Variants in RNF17 observed in about 807,000 individuals in gnomAD.
The protein encoded by RNF17 is ring finger protein 17.
Under a neutral mutation model 200.5 loss-of-function variants are expected in RNF17, and 31 were observed. That is an observed-to-expected ratio of 0.15 (90% CI 0.12 to 0.21). RNF17 has a LOEUF of 0.21. Ranked by LOEUF, RNF17 falls within the 10% of genes least tolerant of loss-of-function variation. RNF17 has a pLI of 1.00. For missense variants in RNF17, 1,628 were observed against 1,905.1 expected (o/e 0.85, Z 2.71); for synonymous variants, 606 against 637.8 (o/e 0.95, Z 0.75).
downstream of RNF17, chr13:24,883,507 A>AACTT (rs1953925649): frequency 1.6e-6 from 1 of 636,338 alleles, no homozygotes; most frequent in South Asian, 2.1e-5. Context: ...ATACAATTGT[A>AACTT]ACTTTCTACA....
intron 31 of RNF17, among the ~76,000 whole-genome samples, chr13:24,869,755 G>A (rs1894045136): frequency 6.6e-6 from 1 of 151,942 alleles, no homozygotes; most frequent in African/African-American, 2.4e-5. Flanking sequence ...TGTCACTGCA[G>A]TTGTGGTTTT....
In RNF17 at chr13:24,789,712, G is replaced by A; in HGVS notation, c.875G>A (p.Cys292Tyr). 13 of 1,592,744 alleles carry A rather than the reference G, an allele frequency of 8.2e-6. No homozygotes were observed. Among genetic ancestry groups the A allele is most frequent in the Non-Finnish European group, 1.1e-5 (13 of 1,161,300 alleles). The change falls in exon 9 of 36, where the codon TGC becomes TAC. Residue 292 changes from cysteine to tyrosine, a missense_variant. By Grantham distance (194) the Cys-to-Tyr change is radical. Coordinates refer to ENST00000255324, the MANE Select transcript of RNF17 (RefSeq NM_031277.3). ...LRNPPRLSVN[C>Y]SEIICMFNNM... Reference sequence around the variant, plus strand: ...TTTTATTATAGGTTGAGTGTGAATTGCAGTGAGATCATCTGTATGTTCAAC... The same window carrying A: ...TTTTATTATAGGTTGAGTGTGAATTACAGTGAGATCATCTGTATGTTCAAC...
chr13:24,799,659 G>A, intron 12 of RNF17, 75 bp downstream of exon 12: 1 of 874,616 alleles, frequency 1.1e-6, no homozygotes, highest in South Asian at 1.7e-5. Context: ...AAGAATAAAG[G>A]AAATTAGAGG....
rs1446053303 is a variant in RNF17 at position 24,825,508 on chromosome 13, T to G, written c.2092-111T>G. The G allele has an allele frequency of 6.7e-6, 5 of 745,502 alleles. No individual in the cohort carries two copies. In the East Asian group the frequency reaches 1.2e-4, roughly 19 times the overall value. 46.2% of individuals were successfully genotyped at this position (745,502 alleles called of 1,614,324 possible). On this transcript the variant is annotated intron_variant, in intron 15 of 35. Transcript: ENST00000255324. The stretch of plus-strand genomic sequence containing the variant: ...CGTAACACAATTGATAGATTTACAT[T>G]CAATTCAAGTTTTAATGTTTCATAA...
the RNF17 span, chr13:24,885,668 T>G: frequency 1.9e-6 from 3 of 1,610,426 alleles, no homozygotes; most frequent in Non-Finnish European, 2.5e-6. Flanking sequence ...CGAGGTGGAT[T>G]GCCTATTAGA....
chr13:24,878,069 T>C (rs1414350507), intron 34 of RNF17, among the ~76,000 whole-genome samples: 2 of 152,184 alleles, frequency 1.3e-5, no homozygotes. Flanking sequence ...GATAGGAACA[T>C]GTGATGTTCA....
chr13:24,838,064 T>TTTATG (rs1890201461), intron 18 of RNF17, among the ~76,000 whole-genome samples: 1 of 152,152 alleles, frequency 6.6e-6, no homozygotes, highest in Non-Finnish European at 1.5e-5. Flanking sequence ...TATGAACACT[T>TTTATG]CTATGCACAT....
chr13:24,884,466 A>G, downstream of RNF17: 2 of 1,613,894 alleles, frequency 1.2e-6, no homozygotes, highest in East Asian at 2.2e-5. Flanking sequence ...TTTTCCACCT[A>G]AAAAACCAAC....
At position 24,811,878 on chromosome 13, in the gene RNF17, C is replaced by T. The variant is rs369830242; in HGVS notation, c.2091+7449C>T. On this transcript the variant is annotated intron_variant, in intron 15 of 35. Coordinates refer to ENST00000255324, the MANE Select transcript of RNF17 (RefSeq NM_031277.3). ...TTCATACAGACAGGACCCTCAGCTG[C>T]AGGTCTGTTGGAGTACCCGGCCGTG... 7.9e-5 allele frequency among the ~76,000 whole-genome samples: 12 copies of T among 152,214 alleles called. No homozygotes were observed. In the South Asian group the frequency reaches 2.1e-3, roughly 26 times the overall value.
In RNF17 at chr13:24,850,817, C is replaced by T. The variant is rs117282709; in HGVS notation, c.3204+374C>T. On this transcript the variant is annotated intron_variant, in intron 23 of 35. Coordinates refer to ENST00000255324, the MANE Select transcript of RNF17 (RefSeq NM_031277.3). Reference sequence around the variant, plus strand: ...AAATATATTTTGATTCTCTAATTTACGAGAATGCAAAAGAATAAAGAAACT... The same window carrying T: ...AAATATATTTTGATTCTCTAATTTATGAGAATGCAAAAGAATAAAGAAACT... 5.3e-3 allele frequency among the ~76,000 whole-genome samples: 812 copies of T among 152,186 alleles called. 22 individuals carry two copies. The East Asian group carries it at 0.081, about 15-fold the overall frequency.
intron 14 of RNF17, 144 bp from the exon 15 acceptor site, chr13:24,804,144 C>A: frequency 1.5e-6 from 1 of 674,448 alleles, no homozygotes; most frequent in South Asian, 1.7e-5. Flanking sequence ...CCCCTGTGGT[C>A]CCAGCTACTT....
At chr13:24,768,506 G>C (rs1161810228) in intron 2 of RNF17, among the ~76,000 whole-genome samples, 3 of 151,966 alleles carry the variant, frequency 2.0e-5, no homozygotes, top group Non-Finnish European at 4.4e-5. Context: ...GGATGGTCTC[G>C]ATCTCCTCAC....
At position 24,793,276 on chromosome 13, in the gene RNF17, T is replaced by G. The variant is rs1394145750; in HGVS notation, c.1170T>G (p.Ile390Met). Residue 390 changes from isoleucine (I) to methionine (M), a missense_variant, in exon 10 of 36, where the codon ATT becomes ATG. Transcript: ENST00000255324. ...KDVATASPKT[I>M]AVLPQMGSSP... Reference sequence around the variant, plus strand: ...TTGCAACAGCATCCCCTAAAACCATTGCTGTGTTACCTCAGATGGGATCTA... The same window carrying G: ...TTGCAACAGCATCCCCTAAAACCATGGCTGTGTTACCTCAGATGGGATCTA... 5.0e-6 allele frequency: 8 copies of G among 1,613,868 alleles called. No homozygotes were observed. The East Asian group carries it at 1.6e-4, about 31-fold the overall frequency.
At chr13:24,812,210 C>T (rs1886740004) in intron 15 of RNF17, among the ~76,000 whole-genome samples, 1 of 150,974 alleles carries the variant, frequency 6.6e-6, no homozygotes. Context: ...CCTAAGCAAG[C>T]CTGGGCAATG....
intron 15 of RNF17, among the ~76,000 whole-genome samples, chr13:24,821,330 A>G (rs1050003327): frequency 7.3e-5 from 11 of 151,182 alleles, no homozygotes; most frequent in Admixed American, 4.7e-4. Flanking sequence ...TAGCTCTCCA[A>G]CATATCTTTG....
At chr13:24,884,036 T>A (rs1420165332), downstream of RNF17, 6 of 1,614,016 alleles carry the variant, frequency 3.7e-6, no homozygotes, top group South Asian at 2.2e-5. Context: ...TTTTTAACAG[T>A]CTGGTCAGGA....
chr13:24,794,054 C>T lies in RNF17; in HGVS notation c.1240+708C>T, dbSNP rs868259875. 6.0e-5 allele frequency: 22 copies of T among 364,428 alleles called. 1 individual carries two copies. The Middle Eastern group carries it at 7.5e-3, about 125-fold the overall frequency. 22.6% of individuals were successfully genotyped at this position (364,428 alleles called of 1,614,324 possible). A position where few individuals can be genotyped will look rare whatever the true frequency, so the allele number is the denominator to read the frequency against. ...TATTCATTGATACAAGGGATGTTGC[C>T]ATTCCAGTGTTTTGCCAATTTCAGT... On this transcript the variant is annotated intron_variant, in intron 10 of 35. Transcript: ENST00000255324.
At chr13:24,771,431 G>A (rs75065617) in intron 2 of RNF17, among the ~76,000 whole-genome samples, 17 of 136,926 alleles carry the variant, frequency 1.2e-4, no homozygotes, top group African/African-American at 4.0e-4. Context: ...GCCTTCCAAA[G>A]TGCTGAGATT....
Position 24,812,517 on chromosome 13 carries a change from C to T in RNF17, c.2091+8088C>T, listed in dbSNP as rs113417645. ...TGCTTCGGCTCACGCATGGTGCATG[C>T]ACCCACTGACCTGCGCCCACTGTCT... On this transcript the variant is annotated intron_variant, in intron 15 of 35. Coordinates refer to ENST00000255324, the MANE Select transcript of RNF17 (RefSeq NM_031277.3). Among the ~76,000 whole-genome samples the T allele has an allele frequency of 7.9e-4, 121 of 152,232 alleles. 1 individual carries two copies. Among genetic ancestry groups the T allele is most frequent in the African/African-American group, 2.7e-3 (112 of 41,560 alleles).
Sources: gnomAD v4.1 joint callset for allele counts (sites outside exome capture counted in the v4.1 genomes callset) on GRCh38, gnomAD v4.1.1 for gene constraint, MANE v1.5 for transcripts, NCBI Gene and HGNC (gene_info 2026-07-23, HGNC 2026-07-21) for gene names.